Variants in MYT1 observed in about 807,000 individuals in gnomAD.
MYT1 encodes myelin transcription factor I.
MYT1 carries 23 observed loss-of-function variants against 123.0 expected under a neutral mutation model. The ratio of observed to expected loss-of-function variants is 0.19; its 90% CI spans 0.13 to 0.26. The LOEUF (loss-of-function observed/expected upper bound fraction) is 0.26, where lower values mean the gene tolerates loss of function less well. Ranked by LOEUF, MYT1 falls within the 10% of genes least tolerant of loss-of-function variation. MYT1 has a pLI of 1.00. For synonymous variants in MYT1, 518 were observed against 575.3 expected, an observed-to-expected ratio of 0.90 and a Z score of 1.43; for missense variants, 1,125 against 1,472.5, an observed-to-expected ratio of 0.76 and a Z score of 3.86.
intron 1 of MYT1, among the ~76,000 whole-genome samples, chr20:64,179,059 A>G (rs998260631): frequency 2.5e-3 from 276 of 109,838 alleles, no homozygotes; most frequent in Middle Eastern, 7.1e-3. Context: ...GCCGTTATTC[A>G]GTGGGATACC....
intron 1 of MYT1, among the ~76,000 whole-genome samples, chr20:64,172,862 T>C (rs531954115): frequency 3.4e-5 from 5 of 148,636 alleles, no homozygotes; most frequent in African/African-American, 7.4e-5. Context: ...TTCTCCTGCC[T>C]CGGCCTCCTG....
rs1301696718 is a variant in MYT1 at position 64,193,542 on chromosome 20, G to A, written c.-1+3382G>A. On this transcript the variant is annotated intron_variant, in intron 2 of 22. Coordinates refer to ENST00000328439, the MANE Select transcript of MYT1 (RefSeq NM_004535.3). This position sits in a 1 kb window ranked among gnomAD's most constrained non-coding sequence, Gnocchi z 4.0. Reference sequence around the variant, plus strand: ...AGTACATAAATGAGAGAAGAAAACAGGCCAGACCATGGCTCTGTCTTTCTC... The same window carrying A: ...AGTACATAAATGAGAGAAGAAAACAAGCCAGACCATGGCTCTGTCTTTCTC... Among the ~76,000 whole-genome samples the A allele has an allele frequency of 1.3e-5, 2 of 152,166 alleles. No homozygotes were observed. Among genetic ancestry groups the A allele is most frequent in the African/African-American group, 4.8e-5 (2 of 41,514 alleles).
At chr20:64,180,764 G>A (rs1024935665) in intron 1 of MYT1, among the ~76,000 whole-genome samples, 4 of 152,108 alleles carry the variant, frequency 2.6e-5, no homozygotes, top group South Asian at 2.1e-4. Context: ...AGCGTTGAGC[G>A]TTATCTTTCT....
At position 64,232,822 on chromosome 20, in the gene MYT1, C is replaced by T. The variant is rs968447832; in HGVS notation, c.2897+437C>T. 1.9e-4 allele frequency among the ~76,000 whole-genome samples: 29 copies of T among 151,964 alleles called. 1 individual carries two copies. Among genetic ancestry groups the T allele is most frequent in the Admixed American group, 1.8e-3 (27 of 15,268 alleles). On this transcript the variant is annotated intron_variant, in intron 19 of 22. Coordinates refer to ENST00000328439, the MANE Select transcript of MYT1 (RefSeq NM_004535.3). The surrounding 1 kb of genome is among the most constrained non-coding windows in gnomAD (Gnocchi z 6.9). ...TGTCTCCTACACCTTATGCCCTGTC[C>T]GTCCCATTCATGCCTCTTCTTTGAA...
rs1002999871 is a variant in MYT1 at position 64,168,944 on chromosome 20, C to T, written c.-99+4205C>T. On this transcript the variant is annotated intron_variant, in intron 1 of 22. Transcript: ENST00000328439. The surrounding 1 kb of genome is among the most constrained non-coding windows in gnomAD (Gnocchi z 6.1). ...CTGCTGGCCCCACCTCTCTCTCACG[C>T]CTGGCTTCACACCTCCATCGTGTTC... is the stretch of plus-strand genomic sequence containing the variant. 6.6e-6 allele frequency among the ~76,000 whole-genome samples: 1 copy of T among 152,218 alleles called. No homozygotes were observed. The highest frequency in any genetic ancestry group is 1.5e-5 in the Non-Finnish European group (1 of 68,040).
intron 14 of MYT1, 86 bp downstream of exon 14, chr20:64,222,133 C>T (rs1441963137): frequency 8.1e-6 from 12 of 1,490,148 alleles, no homozygotes; most frequent in African/African-American, 1.4e-5. Flanking sequence ...CCATGACGAC[C>T]GGGTCTGCTC....
chr20:64,236,709 C>A, intron 20 of MYT1, 63 bp downstream of exon 20: 9 of 1,415,816 alleles, frequency 6.4e-6, no homozygotes, highest in Non-Finnish European at 9.0e-6. Flanking sequence ...GAGAGCTGTG[C>A]ACCTTTTGTG....
At chr20:64,223,234 C>T (rs1009830307) in intron 15 of MYT1, 57 bp from the exon 16 acceptor site, 41 of 1,613,036 alleles carry the variant, frequency 2.5e-5, no homozygotes, top group East Asian at 1.8e-4. Context: ...TCCTCCTCTC[C>T]TCCTCCTCTG....
chr20:64,173,729 T>G (rs1982368291), intron 1 of MYT1, among the ~76,000 whole-genome samples: 2 of 108,930 alleles, frequency 1.8e-5, no homozygotes, highest in African/African-American at 7.5e-5. Flanking sequence ...CCTCCCTGAC[T>G]TCTCCTCCTG....
Position 64,199,878 on chromosome 20 carries a change from T to G in MYT1, c.56-14T>G. Reference sequence around the variant, plus strand: ...AATTCCCACATGTTTTCCCTGTTTCTGTCTTTTTCCCAGGACCCCCAGAGA... The same window carrying G: ...AATTCCCACATGTTTTCCCTGTTTCGGTCTTTTTCCCAGGACCCCCAGAGA... On this transcript the variant is annotated splice_polypyrimidine_tract_variant and intron_variant, in intron 3 of 22. Coordinates refer to ENST00000328439, the MANE Select transcript of MYT1 (RefSeq NM_004535.3). 6.2e-7 allele frequency: 1 copy of G among 1,613,866 alleles called. No individual in the cohort carries two copies. The highest frequency in any genetic ancestry group is 1.1e-5 in the South Asian group (1 of 91,074).
At chr20:64,216,322 C>T (rs932144282) in intron 10 of MYT1, among the ~76,000 whole-genome samples, 1 of 152,262 alleles carries the variant, frequency 6.6e-6, no homozygotes, top group African/African-American at 2.4e-5. Flanking sequence ...CAGCATCTAC[C>T]ACCAGTCTTC....
intron 10 of MYT1, among the ~76,000 whole-genome samples, chr20:64,214,201 G>A (rs555108268): frequency 6.6e-6 from 1 of 152,336 alleles, no homozygotes; most frequent in East Asian, 1.9e-4. Flanking sequence ...CACAGTAGGT[G>A]TGTGTGAACA....
chr20:64,219,135 C>T (rs1015022436), intron 12 of MYT1, 100 bp downstream of exon 12: 2 of 1,416,224 alleles, frequency 1.4e-6, no homozygotes, highest in Non-Finnish European at 1.9e-6. Flanking sequence ...CTAGGAATGG[C>T]TTGTGCCTAG....
chr20:64,205,679 C>T lies in MYT1; in HGVS notation c.276C>T (p.Asp92=), dbSNP rs139520042. The change falls in exon 6 of 23, where the codon GAC becomes GAT. Residue 92 remains aspartate (D), a synonymous_variant. Transcript: ENST00000328439. ...ALDEGYGVDS[D]GSEDTEVKDA... is the part of the protein sequence containing the mutation. ...ACGAGGGCTATGGTGTGGACAGCGA[C>T]GGCAGTGAGGACACTGAGGTGAAGG... 1.9e-5 allele frequency: 30 copies of T among 1,614,066 alleles called. No homozygotes were observed. Among genetic ancestry groups the T allele is most frequent in the African/African-American group, 1.2e-4 (9 of 74,952 alleles).
chr20:64,184,815 G>A (rs906470285), intron 1 of MYT1, among the ~76,000 whole-genome samples: 3 of 152,198 alleles, frequency 2.0e-5, no homozygotes, highest in Admixed American at 6.5e-5. Context: ...CCCACGTCAC[G>A]TAAGAAGCAG....
rs1253035441 is a variant in MYT1 at position 64,167,247 on chromosome 20, C to T, written c.-99+2508C>T. Among the ~76,000 whole-genome samples, 2 of 152,220 alleles carry T rather than the reference C, an allele frequency of 1.3e-5. No homozygotes were observed. Among genetic ancestry groups the T allele is most frequent in the Admixed American group, 6.5e-5 (1 of 15,290 alleles). Reference sequence around the variant, plus strand: ...AAAGTGCCAGAGAGAAACCCGGGGCCTCCAGCCGCTGCTCGGTGGCAGTGG... The same window carrying T: ...AAAGTGCCAGAGAGAAACCCGGGGCTTCCAGCCGCTGCTCGGTGGCAGTGG... On this transcript the variant is annotated intron_variant, in intron 1 of 22. Transcript: ENST00000328439. The surrounding 1 kb of genome is among the most constrained non-coding windows in gnomAD (Gnocchi z 6.3).
In MYT1 at chr20:64,170,930, G is replaced by T. The variant is rs1218379196; in HGVS notation, c.-99+6191G>T. On this transcript the variant is annotated intron_variant, in intron 1 of 22. Transcript: ENST00000328439. ...AGAGAGAGAGAGAGAGAGAGAGAGA[G>T]AGAGACGGAGTCTTGCTCTGTTGGC... Among the ~76,000 whole-genome samples, 24 of 136,616 alleles carry T rather than the reference G, an allele frequency of 1.8e-4. 1 individual carries two copies. The highest frequency in any genetic ancestry group is 6.4e-4 in the African/African-American group (23 of 35,936). The allele number at this position is 136,616 out of a possible 152,430, so 89.6% of individuals were successfully genotyped here. A position where few individuals can be genotyped will look rare whatever the true frequency, so the allele number is the denominator to read the frequency against.
intron 4 of MYT1, among the ~76,000 whole-genome samples, chr20:64,204,502 C>T (rs1983421675): frequency 6.6e-6 from 1 of 152,252 alleles, no homozygotes; most frequent in African/African-American, 2.4e-5. Flanking sequence ...GTGGGATCTT[C>T]ACCACTGTCT....
chr20:64,185,665 T>C lies in MYT1; in HGVS notation c.-98-4398T>C, dbSNP rs1982778943. ...GGATGCACCATGGGGGCAGGTGGGC[T>C]CAGGCCAGATTCCAGGCTACCGAGC... is the stretch of plus-strand genomic sequence containing the variant. On this transcript the variant is annotated intron_variant, in intron 1 of 22. Coordinates refer to ENST00000328439, the MANE Select transcript of MYT1 (RefSeq NM_004535.3). This position sits in a 1 kb window ranked among gnomAD's most constrained non-coding sequence, Gnocchi z 4.5. 6.6e-6 allele frequency among the ~76,000 whole-genome samples: 1 copy of C among 152,094 alleles called. No homozygotes were observed. The highest frequency in any genetic ancestry group is 1.5e-5 in the Non-Finnish European group (1 of 68,014).
Sources: allele counts gnomAD v4.1 joint callset (sites outside exome capture counted in the v4.1 genomes callset), GRCh38; gene constraint gnomAD v4.1.1; non-coding constraint Gnocchi (gnomAD v3.1); transcripts MANE v1.5; gene names NCBI Gene and HGNC (gene_info 2026-07-23, HGNC 2026-07-21).